YLPM1: variants seen among roughly 807,000 people sequenced by gnomAD.
The protein encoded by YLPM1 is YLP motif-containing protein 1.
Under a neutral mutation model 230.0 loss-of-function variants are expected in YLPM1, and 99 were observed. The ratio of observed to expected loss-of-function variants is 0.43; its 90% confidence interval spans 0.37 to 0.51. The LOEUF (loss-of-function observed/expected upper bound fraction) is 0.51. YLPM1 is among the 20% of genes least tolerant of loss of function. YLPM1 has a pLI of 0.00. For missense variants in YLPM1, 2,592 were observed against 2,707.7 expected (o/e 0.96, Z 0.95); for synonymous variants, 984 against 942.5 (o/e 1.04, Z -0.81).
intron 4 of YLPM1, among the ~76,000 whole-genome samples, chr14:74,793,210 A>C (rs1355166055): frequency 6.6e-6 from 1 of 152,114 alleles, no homozygotes; most frequent in East Asian, 1.9e-4. Flanking sequence ...TTCTGTCTAG[A>C]GATTGGAATC....
chr14:74,823,123 A>G (rs538727737), intron 17 of YLPM1, among the ~76,000 whole-genome samples: 1 of 152,162 alleles, frequency 6.6e-6, no homozygotes, highest in South Asian at 2.1e-4. Context: ...CTGGTAGACT[A>G]GAAATGTATG....
rs559296528 is a variant in YLPM1 at position 74,789,151 on chromosome 14, G to A, written c.2282+6826G>A. ...GCATTAGTGTCATATTTTAATTACT[G>A]TAGCTTTACAATAAATTTATCTGTT... On this transcript the variant is annotated intron_variant, in intron 4 of 20. Coordinates refer to ENST00000325680, the MANE Select transcript of YLPM1 (RefSeq NM_019589.3). 7.9e-5 allele frequency among the ~76,000 whole-genome samples: 12 copies of A among 152,238 alleles called. No individual in the cohort carries two copies. The East Asian group carries it at 1.3e-3, about 17-fold the overall frequency.
At chr14:74,821,264 C>T in intron 17 of YLPM1, 127 bp downstream of exon 17, 4 of 1,316,042 alleles carry the variant, frequency 3.0e-6, no homozygotes, top group Non-Finnish European at 3.0e-6. Context: ...TTTCCATAAT[C>T]ATCTTCAAGG....
At chr14:74,800,572 ATTTC>A (rs895937993) in intron 5 of YLPM1, among the ~76,000 whole-genome samples, 12 of 152,302 alleles carry the variant, frequency 7.9e-5, no homozygotes, top group South Asian at 6.2e-4. Context: ...ATTCCAATGT[ATTTC>A]TTCCATTTTT....
Position 74,799,184 on chromosome 14 carries a change from C to T in YLPM1, c.3887C>T (p.Pro1296Leu). ...MDRDVDRISR[P>L]MDMYDRSLDN... is the part of the protein sequence containing the mutation. Reference sequence around the variant, plus strand: ...AGGGATGTGGATCGGATTTCAAGACCTATGGATATGTATGATAGAAGTTTG... The same window carrying T: ...AGGGATGTGGATCGGATTTCAAGACTTATGGATATGTATGATAGAAGTTTG... Residue 1296 changes from proline (P) to leucine (L), a missense_variant, in exon 5 of 21, where the codon CCT (proline) becomes CTT (leucine). By Grantham distance (98) the Pro-to-Leu change is moderately conservative. Coordinates refer to ENST00000325680, the MANE Select transcript of YLPM1 (RefSeq NM_019589.3). 2 of 1,613,870 alleles carry T rather than the reference C, an allele frequency of 1.2e-6. No individual in the cohort carries two copies. The highest frequency in any genetic ancestry group is 1.7e-6 in the Non-Finnish European group (2 of 1,179,864).
intron 11 of YLPM1, 52 bp from the exon 12 acceptor site, chr14:74,816,151 A>G: frequency 6.5e-7 from 1 of 1,528,812 alleles, no homozygotes; most frequent in Non-Finnish European, 8.8e-7. Flanking sequence ...ATCTCATTGC[A>G]GAAAATTTTC....
chr14:74,771,569 G>GAACA (rs1264637047), intron 1 of YLPM1, among the ~76,000 whole-genome samples: 20 of 152,288 alleles, frequency 1.3e-4, no homozygotes, highest in Admixed American at 9.2e-4. Context: ...GAACGTCAAG[G>GAACA]AACAGACTCT....
chr14:74,804,057 C>T (rs2091354115), intron 6 of YLPM1, among the ~76,000 whole-genome samples: 1 of 151,900 alleles, frequency 6.6e-6, no homozygotes, highest in African/African-American at 2.4e-5. Flanking sequence ...CTAAGGAGGC[C>T]GAGGCAGGAG....
chr14:74,802,788 A>G, intron 6 of YLPM1, 112 bp downstream of exon 6: 2 of 1,339,912 alleles, frequency 1.5e-6, no homozygotes, highest in Non-Finnish European at 2.0e-6. Flanking sequence ...TATAAAATGT[A>G]AATTTTGGAA....
At chr14:74,814,843 G>A (rs756564196) in intron 11 of YLPM1, among the ~76,000 whole-genome samples, 4 of 152,164 alleles carry the variant, frequency 2.6e-5, no homozygotes, top group Admixed American at 6.5e-5. Context: ...AAGTCATCCA[G>A]GCTTAGGCTT....
At chr14:74,777,803 T>C (rs1249400722) in intron 1 of YLPM1, among the ~76,000 whole-genome samples, 1 of 151,702 alleles carries the variant, frequency 6.6e-6, no homozygotes, top group African/African-American at 2.4e-5. Flanking sequence ...AGTAAGACCT[T>C]GTGTCTATAA....
chr14:74,813,656 G>A (rs980076686), intron 11 of YLPM1, among the ~76,000 whole-genome samples: 1 of 151,966 alleles, frequency 6.6e-6, no homozygotes, highest in African/African-American at 2.4e-5. Flanking sequence ...CATTACACAG[G>A]TATTTTGTGT....
chr14:74,767,805 C>T (rs1185307599), intron 1 of YLPM1, among the ~76,000 whole-genome samples: 1 of 151,992 alleles, frequency 6.6e-6, no homozygotes, highest in Non-Finnish European at 1.5e-5. Context: ...TGACTTGTTC[C>T]TATGTCTTCC....
chr14:74,800,176 T>C (rs1234563612), intron 5 of YLPM1, among the ~76,000 whole-genome samples: 2 of 152,258 alleles, frequency 1.3e-5, no homozygotes, highest in Admixed American at 1.3e-4. Flanking sequence ...AGATTTGTCT[T>C]AACTATTGAT....
intron 19 of YLPM1, among the ~76,000 whole-genome samples, chr14:74,832,734 A>G (rs921224827): frequency 6.6e-6 from 1 of 152,150 alleles, no homozygotes; most frequent in Non-Finnish European, 1.5e-5. Flanking sequence ...CAGCCTCCCA[A>G]AGTGCTGGGA....
At chr14:74,820,472 T>C (rs1338612935) in intron 16 of YLPM1, among the ~76,000 whole-genome samples, 1 of 152,156 alleles carries the variant, frequency 6.6e-6, no homozygotes, top group Non-Finnish European at 1.5e-5. Context: ...GGTCTTGAAC[T>C]CCTAGACTCA....
chr14:74,766,883 CT>C lies in YLPM1; in HGVS notation c.873+2539del, dbSNP rs1158275487. On this transcript the variant is annotated intron_variant, in intron 1 of 20. Coordinates refer to ENST00000325680, the MANE Select transcript of YLPM1 (RefSeq NM_019589.3). ...AAACAAAACAAAACCAAGACCTTTT[CT>C]TTTTTTTTTTTTTTTTTGAGATGGA... Among the ~76,000 whole-genome samples the C allele has an allele frequency of 3.5e-3, 454 of 131,158 alleles. 2 individuals are homozygous for C. Among genetic ancestry groups the C allele is most frequent in the African/African-American group, 8.0e-3 (291 of 36,374 alleles). 86.0% of individuals were successfully genotyped at this position (131,158 alleles called of 152,430 possible). A position where few individuals can be genotyped will look rare whatever the true frequency, so the allele number is the denominator to read the frequency against.
At chr14:74,810,494 A>G in intron 9 of YLPM1, 74 bp downstream of exon 9, 2 of 1,447,152 alleles carry the variant, frequency 1.4e-6, no homozygotes, top group South Asian at 1.3e-5. Flanking sequence ...AGAGAAATTT[A>G]ATAAGTAACA....
At chr14:74,823,808 A>G (rs948481035) in intron 17 of YLPM1, among the ~76,000 whole-genome samples, 1 of 152,134 alleles carries the variant, frequency 6.6e-6, no homozygotes, top group Non-Finnish European at 1.5e-5. Flanking sequence ...TAAAGTAACT[A>G]TCTTGAAGAA....
Sources: gnomAD v4.1 joint callset for allele counts (sites outside exome capture counted in the v4.1 genomes callset) on GRCh38, gnomAD v4.1.1 for gene constraint, MANE v1.5 for transcripts, NCBI Gene and HGNC (gene_info 2026-07-23, HGNC 2026-07-21) for gene names.